The following TEP1 variants were observed in gnomAD, a reference collection of about 807,000 sequenced individuals.
The protein encoded by TEP1 is telomerase protein component 1.
A neutral mutation model predicts 306.3 loss-of-function variants in TEP1; 241 were observed. That is an observed-to-expected ratio of 0.79 (90% confidence interval 0.71 to 0.88). The LOEUF is 0.88. Ranked by LOEUF, TEP1 falls within the 40% of genes least tolerant of loss-of-function variation. TEP1 has a pLI of 0.00. For missense variants in TEP1, 3,051 were observed against 3,276.1 expected (o/e 0.93, Z 1.68); for synonymous variants, 1,289 against 1,305.5 (o/e 0.99, Z 0.27).
At position 20,380,326 on chromosome 14, in the gene TEP1, A is replaced by G. The variant is rs147286683; in HGVS notation, c.4912T>C (p.Cys1638Arg). 1.4e-4 allele frequency: 218 copies of G among 1,614,148 alleles called. No homozygotes were observed. In the African/African-American group the frequency reaches 2.7e-3, roughly 20 times the overall value. Residue 1638 changes from cysteine (C) to arginine (R), a missense_variant, in exon 34 of 55, where the codon TGC becomes CGC. By Grantham distance (180) the Cys-to-Arg change is radical. This residue lies in a region of TEP1 where 1,540 missense variants were observed against 1,705.9 expected (regional missense o/e 0.90). Coordinates refer to ENST00000262715, the MANE Select transcript of TEP1 (RefSeq NM_007110.5). ...AANQPLDSPL[C>R]HQASLLSRRW... is the part of the protein sequence containing the mutation. ...CGGGAGAGCAGCGAGGCTTGGTGGC[A>G]AAGAGGTGAGTCCAGGGGCTGGTTG... is the stretch of plus-strand genomic sequence containing the variant.
chr14:20,397,265 T>G (rs771603201), intron 9 of TEP1, among the ~76,000 whole-genome samples: 6 of 152,342 alleles, frequency 3.9e-5, no homozygotes, highest in Admixed American at 6.5e-5. Context: ...ACTAACATAA[T>G]GTAGCACATT....
At chr14:20,391,214 AT>A (rs1253159995) in intron 13 of TEP1, 118 bp from the exon 14 acceptor site, 1 of 1,104,002 alleles carries the variant, frequency 9.1e-7, no homozygotes, top group Non-Finnish European at 1.3e-6. Context: ...AAAGTGTAAA[AT>A]CCCAAGTTAG....
chr14:20,388,089 G>C (rs1566463524), intron 17 of TEP1, 26 bp from the exon 18 acceptor site: 2 of 1,613,002 alleles, frequency 1.2e-6, no homozygotes, highest in Non-Finnish European at 1.7e-6. Context: ...AGATAAATGA[G>C]AGTAGAATAC....
intron 39 of TEP1, 70 bp downstream of exon 39, chr14:20,377,954 C>A (rs1594330047): frequency 6.4e-7 from 1 of 1,568,596 alleles, no homozygotes; most frequent in South Asian, 1.1e-5. Context: ...AGGACCCCCA[C>A]CCCCACCAAG....
At chr14:20,386,415 G>T (rs745704966) in intron 19 of TEP1, 32 bp downstream of exon 19, 1 of 1,580,812 alleles carries the variant, frequency 6.3e-7, no homozygotes. Flanking sequence ...CCTCATCCCC[G>T]ACCCAGCCCC....
intron 9 of TEP1, among the ~76,000 whole-genome samples, chr14:20,398,915 T>C (rs889238510): frequency 6.6e-6 from 1 of 152,068 alleles, no homozygotes; most frequent in Non-Finnish European, 1.5e-5. Flanking sequence ...TTTTTTTTTT[T>C]ATTTTTGAGA....
At chr14:20,380,515 G>A (rs1236340760) in intron 33 of TEP1, 40 bp from the exon 34 acceptor site, 1 of 1,583,778 alleles carries the variant, frequency 6.3e-7, no homozygotes, top group Non-Finnish European at 8.6e-7. Flanking sequence ...GAGCCAGCTG[G>A]ACCCCATTAG....
intron 7 of TEP1, 98 bp downstream of exon 7, chr14:20,403,279 G>T: frequency 6.8e-7 from 1 of 1,460,476 alleles, no homozygotes. Context: ...GAATCCCCAG[G>T]AAGAAAGTAT....
intron 41 of TEP1, among the ~76,000 whole-genome samples, chr14:20,376,866 T>C (rs922220709): frequency 3.9e-5 from 6 of 152,194 alleles, no homozygotes; most frequent in African/African-American, 1.4e-4. Flanking sequence ...CACATGTGTA[T>C]TTTCATACAC....
rs767357247 is a variant in TEP1 at position 20,403,342 on chromosome 14, C to T, written c.1266+35G>A. The T allele has an allele frequency of 4.4e-6, 7 of 1,608,194 alleles. 2 individuals carry two copies. The South Asian group carries it at 7.7e-5, about 18-fold the overall frequency. On this transcript the variant is annotated intron_variant, in intron 7 of 54. Transcript: ENST00000262715. ...AAATATTAGTCCAGAAGAGATTGTA[C>T]ATGCACATATACAACCCCAGAAGAA...
At chr14:20,375,044 T>C (rs148699881) in intron 43 of TEP1, among the ~76,000 whole-genome samples, 6,899 of 148,956 alleles carry the variant, frequency 0.046, 225 homozygotes, top group South Asian at 0.093. Flanking sequence ...TGAGCAGAGA[T>C]TGCGCCACTG....
Position 20,381,942 on chromosome 14 carries a change from C to T in TEP1, c.4395G>A (p.Pro1465=), listed in dbSNP as rs755075933. 76 of 1,613,926 alleles carry T rather than the reference C, an allele frequency of 4.7e-5. No homozygotes were observed. Among genetic ancestry groups the T allele is most frequent in the African/African-American group, 3.2e-4 (24 of 74,904 alleles). The change falls in exon 30 of 55, where the codon CCG becomes CCA. Residue 1465 remains proline (P), a synonymous_variant. Transcript: ENST00000262715. This position sits in a 1 kb window ranked among gnomAD's most constrained non-coding sequence, Gnocchi z 4.0. ...GNSGDPYPMG[P]FACLVQSLRS... ...GCAGACTCTGGACGAGGCAGGCAAA[C>T]GGGCCCATGGGGTAGGGGTCTCCAC...
chr14:20,413,034 G>A (rs1257077443), intron 1 of TEP1, among the ~76,000 whole-genome samples: 1 of 152,056 alleles, frequency 6.6e-6, no homozygotes, highest in Non-Finnish European at 1.5e-5. Context: ...TATCACAAAC[G>A]GTTCTCATAC....
Position 20,383,914 on chromosome 14 carries a change from G to C in TEP1, c.3539C>G (p.Ser1180Cys). 1.3e-6 allele frequency: 2 copies of C among 1,599,526 alleles called. No individual in the cohort carries two copies. Among genetic ancestry groups the C allele is most frequent in the Non-Finnish European group, 1.7e-6 (2 of 1,178,428 alleles). Residue 1180 changes from serine to cysteine, a missense_variant, in exon 25 of 55, where the codon TCT (serine) becomes TGT (cysteine). This residue lies in a region of TEP1 where 1,507 missense variants were observed against 1,550.5 expected (regional missense o/e 0.97). Transcript: ENST00000262715. ...SGQGKTAFLA[S>C]LVSALQAPDG... ...AGGAGCCTGCAGGGCTGACACAAGAGATGCCTGCATGGGACAGGAACAGAA... is the reference window on the plus strand; with the variant it reads ...AGGAGCCTGCAGGGCTGACACAAGACATGCCTGCATGGGACAGGAACAGAA...
chr14:20,374,571 A>T, intron 43 of TEP1, 35 bp from the exon 44 acceptor site: 1 of 1,510,938 alleles, frequency 6.6e-7, no homozygotes, highest in Non-Finnish European at 9.1e-7. Context: ...TGGGATTATC[A>T]GCATCCCTCC....
intron 38 of TEP1, 37 bp from the exon 39 acceptor site, chr14:20,378,273 G>A: frequency 6.2e-7 from 1 of 1,612,746 alleles, no homozygotes; most frequent in Non-Finnish European, 8.5e-7. Flanking sequence ...GTGAAGACCT[G>A]CTCTCAGCAA....
chr14:20,390,334 A>G (rs1265997972), intron 15 of TEP1, among the ~76,000 whole-genome samples: 1 of 152,154 alleles, frequency 6.6e-6, no homozygotes, highest in Non-Finnish European at 1.5e-5. Flanking sequence ...GCTTATTTAC[A>G]TCTACTATAT....
In TEP1 at chr14:20,382,735, A is replaced by G; in HGVS notation, c.4048-20T>C. 6.2e-7 allele frequency: 1 copy of G among 1,613,188 alleles called. No individual in the cohort carries two copies. The highest frequency in any genetic ancestry group is 8.5e-7 in the Non-Finnish European group (1 of 1,179,354). On this transcript the variant is annotated intron_variant, in intron 27 of 54. Transcript: ENST00000262715. ...TCGCATCTGGCAAGACTCAGGACTCAGGGTGGGGTCCAGGAGGGCTGCCCG... is the reference window on the plus strand; with the variant it reads ...TCGCATCTGGCAAGACTCAGGACTCGGGGTGGGGTCCAGGAGGGCTGCCCG...
chr14:20,403,601 T>A, intron 6 of TEP1, 122 bp downstream of exon 6: 1 of 1,585,574 alleles, frequency 6.3e-7, no homozygotes, highest in East Asian at 2.2e-5. Flanking sequence ...TCTACCCAGC[T>A]CCCCTGCATT....
Sources: gnomAD v4.1 joint callset for allele counts (sites outside exome capture counted in the v4.1 genomes callset) on GRCh38, gnomAD v4.1.1 for gene constraint, gnomAD v4.1.1 regional missense constraint, Gnocchi (gnomAD v3.1) non-coding constraint, MANE v1.5 for transcripts, NCBI Gene and HGNC (gene_info 2026-07-23, HGNC 2026-07-21) for gene names.